The following NDC1 variants were observed in gnomAD, a reference collection of about 807,000 sequenced individuals.
The protein encoded by NDC1 is NDC1 transmembrane nucleoporin.
A neutral mutation model predicts 89.8 loss-of-function variants in NDC1; 24 were observed. The observed-to-expected ratio is 0.27, with a 90% CI of 0.19 to 0.38. The LOEUF is 0.38. Ranked by LOEUF, NDC1 falls within the 10% of genes least tolerant of loss-of-function variation. The probability of loss-of-function intolerance (pLI) is 1.00; values close to 1 mark genes in which losing one functional copy is unlikely to be tolerated. For synonymous variants in NDC1, 296 were observed against 284.8 expected (o/e 1.04, Z -0.39); for missense variants, 728 against 797.6 (o/e 0.91, Z 1.05).
At chr1:53,802,984 T>C (rs780531716) in intron 10 of NDC1, among the ~76,000 whole-genome samples, 2 of 152,144 alleles carry the variant, frequency 1.3e-5, no homozygotes, top group African/African-American at 2.4e-5. Context: ...TTTAAGCCAA[T>C]CTCTGAGACT....
chr1:53,784,253 A>G (rs12738688), intron 16 of NDC1, among the ~76,000 whole-genome samples: 6 of 145,868 alleles, frequency 4.1e-5, no homozygotes, highest in Non-Finnish European at 7.7e-5. Flanking sequence ...ACACACACGC[A>G]CACACTATAT....
At chr1:53,787,289 CA>C in intron 15 of NDC1, 31 bp from the exon 16 acceptor site, 1 of 1,272,728 alleles carries the variant, frequency 7.9e-7, no homozygotes, top group Non-Finnish European at 1.1e-6. Context: ...GGTTAAAAGT[CA>C]ATCAAAATTA....
chr1:53,833,200 T>C (rs1649122092), intron 2 of NDC1, among the ~76,000 whole-genome samples: 1 of 152,152 alleles, frequency 6.6e-6, no homozygotes, highest in Non-Finnish European at 1.5e-5. Context: ...TATTGCTCTG[T>C]TGCCCAGGCT....
chr1:53,838,153 G>T, intron 1 of NDC1, 52 bp downstream of exon 1: 1 of 1,507,664 alleles, frequency 6.6e-7, no homozygotes, highest in Non-Finnish European at 8.9e-7. Flanking sequence ...ATCAGAGCTT[G>T]CCCGCCCGGC....
At chr1:53,837,442 G>A (rs957348263) in intron 1 of NDC1, among the ~76,000 whole-genome samples, 1 of 152,144 alleles carries the variant, frequency 6.6e-6, no homozygotes, top group African/African-American at 2.4e-5. Flanking sequence ...GCGTAGTGGT[G>A]CGTATCTATA....
At chr1:53,813,901 C>G (rs1332523461) in intron 6 of NDC1, among the ~76,000 whole-genome samples, 2 of 152,158 alleles carry the variant, frequency 1.3e-5, no homozygotes, top group Non-Finnish European at 2.9e-5. Context: ...CAATAAATTT[C>G]AGAAAACTGA....
chr1:53,815,686 C>T (rs936840930), intron 6 of NDC1, among the ~76,000 whole-genome samples: 6 of 152,114 alleles, frequency 3.9e-5, no homozygotes, highest in Non-Finnish European at 7.4e-5. Context: ...ATGATATGAT[C>T]GTTTACCTTA....
chr1:53,827,267 T>TAAAA (rs80007578), intron 4 of NDC1, among the ~76,000 whole-genome samples: 1 of 126,876 alleles, frequency 7.9e-6, no homozygotes, highest in African/African-American at 2.9e-5. Flanking sequence ...CATCTTTGTT[T>TAAAA]AAAAAAAAAA....
intron 9 of NDC1, among the ~76,000 whole-genome samples, chr1:53,804,318 C>T (rs567490170): frequency 4.5e-4 from 68 of 152,330 alleles, no homozygotes; most frequent in Admixed American, 1.3e-3. Flanking sequence ...CAAACATACA[C>T]TCACATAGCT....
Position 53,825,897 on chromosome 1 carries a change from A to G in NDC1, c.495T>C (p.Tyr165=). The G allele has an allele frequency of 6.2e-7, 1 of 1,611,248 alleles. No individual in the cohort carries two copies. Among genetic ancestry groups the G allele is most frequent in the Non-Finnish European group, 8.5e-7 (1 of 1,179,144 alleles). Reference sequence around the variant, plus strand: ...CTCCAGTCAGTAGGAAAAAAAGATGATATTCATTTAAGCAGGTTTGCGCAG... The same window carrying G: ...CTCCAGTCAGTAGGAAAAAAAGATGGTATTCATTTAAGCAGGTTTGCGCAG... The part of the protein sequence containing the change: ...SPAAQTCLNE[Y]HLFFLLTGAF... The change falls in exon 5 of 18, where the codon TAT becomes TAC. Residue 165 remains tyrosine, a synonymous_variant. Transcript: ENST00000371429.
rs1570143375 is a variant in NDC1, at chr1:53,766,126, T to A, written c.*1844A>T. ...ATGAACATTCTCAGAAACATTCACA[T>A]TGCTCATCAAATGTAGCTTTACCCA... On this transcript the variant is annotated 3_prime_UTR_variant, in exon 18 of 18. Coordinates refer to ENST00000371429, the MANE Select transcript of NDC1 (RefSeq NM_018087.5). 1 of 152,166 alleles carries A rather than the reference T, an allele frequency of 6.6e-6. No homozygotes were observed. The highest frequency in any genetic ancestry group is 6.5e-5 in the Admixed American group (1 of 15,272). 9.4% of individuals were successfully genotyped at this position (152,166 alleles called of 1,614,324 possible). A position where few individuals can be genotyped will look rare whatever the true frequency, so the allele number is the denominator to read the frequency against.
intron 6 of NDC1, 87 bp from the exon 7 acceptor site, chr1:53,809,833 G>T: frequency 1.1e-6 from 1 of 945,376 alleles, no homozygotes; most frequent in Non-Finnish European, 1.7e-6. Context: ...CAATGACATG[G>T]CCACACAGAC....
Position 53,793,222 on chromosome 1 carries a change from T to G in NDC1, c.1635+7A>C, listed in dbSNP as rs780949474. 1.5e-5 allele frequency: 24 copies of G among 1,605,808 alleles called. No homozygotes were observed. The highest frequency in any genetic ancestry group is 1.9e-5 in the Non-Finnish European group (22 of 1,172,492). Reference sequence around the variant, plus strand: ...CCATTCCCAACGCTATAACCACATATTCTTACCTTACTGAAAAAATACATT... The same window carrying G: ...CCATTCCCAACGCTATAACCACATAGTCTTACCTTACTGAAAAAATACATT... On this transcript the variant is annotated splice_region_variant and intron_variant, in intron 14 of 17. Coordinates refer to ENST00000371429, the MANE Select transcript of NDC1 (RefSeq NM_018087.5).
chr1:53,811,091 G>C (rs1230606140), intron 6 of NDC1, among the ~76,000 whole-genome samples: 1 of 152,168 alleles, frequency 6.6e-6, no homozygotes, highest in African/African-American at 2.4e-5. Flanking sequence ...GCGAAATACA[G>C]GGGTAGAGGA....
chr1:53,826,079 G>A (rs551291374), intron 4 of NDC1, 143 bp from the exon 5 acceptor site: 1 of 770,478 alleles, frequency 1.3e-6, no homozygotes, highest in Non-Finnish European at 2.1e-6. Flanking sequence ...CTCGTTTTCA[G>A]TAAGTGTGAA....
chr1:53,800,937 A>T, intron 10 of NDC1, 89 bp from the exon 11 acceptor site: 5 of 1,308,386 alleles, frequency 3.8e-6, no homozygotes, highest in South Asian at 3.0e-5. Context: ...GAAATTCTAC[A>T]TTATGCTTGG....
intron 16 of NDC1, among the ~76,000 whole-genome samples, chr1:53,773,252 GT>G (rs1380365608): frequency 6.6e-6 from 1 of 152,040 alleles, no homozygotes; most frequent in Admixed American, 6.6e-5. Flanking sequence ...CAGTATAAGC[GT>G]ACTATTTATA....
At chr1:53,835,716 T>C (rs1274483530) in intron 1 of NDC1, 96 bp from the exon 2 acceptor site, 1 of 1,047,462 alleles carries the variant, frequency 9.5e-7, no homozygotes, top group African/African-American at 1.6e-5. Context: ...AACCACTAAC[T>C]CAGATCATAA....
At chr1:53,794,268 T>G (rs1647621559) in intron 13 of NDC1, among the ~76,000 whole-genome samples, 1 of 152,178 alleles carries the variant, frequency 6.6e-6, no homozygotes, top group South Asian at 2.1e-4. Context: ...AAAAATATCT[T>G]AAGACACAAA....
Sources: allele counts gnomAD v4.1 joint callset (sites outside exome capture counted in the v4.1 genomes callset), GRCh38; gene constraint gnomAD v4.1.1; transcripts MANE v1.5; gene names NCBI Gene and HGNC (gene_info 2026-07-23, HGNC 2026-07-21).